STPG2: variants seen among roughly 807,000 people sequenced by gnomAD.
STPG2 encodes the protein sperm tail PG-rich repeat containing 2.
STPG2 carries 56 observed loss-of-function variants against 54.2 expected under a neutral mutation model. That is an observed-to-expected ratio of 1.03 (90% CI 0.83 to 1.29). The LOEUF is 1.29. Among genes scored for constraint, STPG2 ranks in the 50% most tolerant of loss-of-function variants. The pLI is 0.00. For synonymous variants in STPG2, 200 were observed against 181.8 expected, an observed-to-expected ratio of 1.10 and a Z score of -0.81; for missense variants, 596 against 544.9, an observed-to-expected ratio of 1.09 and a Z score of -0.93.
intron 9 of STPG2, among the ~76,000 whole-genome samples, chr4:97,719,745 A>G (rs943091008): frequency 3.9e-5 from 6 of 151,932 alleles, no homozygotes; most frequent in Non-Finnish European, 8.8e-5. Context: ...GAATCAATTT[A>G]TAAGCTACCT....
chr4:97,497,182 G>T (rs996169390), intron 4 of STPG2, among the ~76,000 whole-genome samples: 2 of 151,450 alleles, frequency 1.3e-5, no homozygotes, highest in Non-Finnish European at 3.0e-5. Context: ...ACACAAGCAG[G>T]CAGCATATAC....
intron 5 of STPG2, among the ~76,000 whole-genome samples, chr4:98,083,574 G>A (rs778854619): frequency 3.2e-4 from 49 of 152,082 alleles, no homozygotes; most frequent in African/African-American, 1.0e-3. Context: ...TTATCAATTC[G>A]TTCTTCAAAT....
intron 5 of STPG2, among the ~76,000 whole-genome samples, chr4:98,099,804 T>C (rs1406083923): frequency 2.0e-5 from 3 of 152,282 alleles, no homozygotes; most frequent in African/African-American, 7.2e-5. Context: ...AAACTTTTTT[T>C]AATGTTTTTA....
At chr4:97,711,667 T>C (rs1724124440) in intron 10 of STPG2, among the ~76,000 whole-genome samples, 1 of 149,726 alleles carries the variant, frequency 6.7e-6, no homozygotes, top group South Asian at 2.1e-4. Flanking sequence ...TTTATTTACT[T>C]ACTTTTTTTT....
chr4:97,553,845 G>A (rs572922029), intron 4 of STPG2, among the ~76,000 whole-genome samples: 100 of 152,214 alleles, frequency 6.6e-4, no homozygotes, highest in African/African-American at 2.3e-3. Flanking sequence ...TTTGCAAACC[G>A]AACCTCATGA....
chr4:97,531,305 T>TA (rs1436307877), intron 4 of STPG2, among the ~76,000 whole-genome samples: 2 of 152,048 alleles, frequency 1.3e-5, no homozygotes, highest in Non-Finnish European at 2.9e-5. Context: ...GGAGTTTCCT[T>TA]AAAAAACTAA....
At chr4:97,526,888 G>C (rs889052700) in intron 4 of STPG2, among the ~76,000 whole-genome samples, 1 of 152,050 alleles carries the variant, frequency 6.6e-6, no homozygotes, top group Middle Eastern at 3.4e-3. Context: ...TCAGTTTTCT[G>C]CATATGCCTA....
In STPG2 at chr4:97,485,983, C is replaced by A. The variant is rs561831161; in HGVS notation, c.462+226716G>T. Among the ~76,000 whole-genome samples, 5 of 151,744 alleles carry A rather than the reference C, an allele frequency of 3.3e-5. No homozygotes were observed. In the East Asian group the frequency reaches 9.7e-4, roughly 29 times the overall value. ...AACAAATTGTGTTGGGATAATTGCC[C>A]AGCCATATGTAGGAGAATGAAAATG... On this transcript the variant is annotated intron_variant, in intron 4 of 4. Transcript: ENST00000522676.
At chr4:97,549,512 A>T (rs1344800631) in intron 4 of STPG2, among the ~76,000 whole-genome samples, 1 of 152,138 alleles carries the variant, frequency 6.6e-6, no homozygotes, top group Non-Finnish European at 1.5e-5. Flanking sequence ...TGTAGGGGTG[A>T]TGAGTTGAAC....
At chr4:97,539,074 G>C (rs1316857746) in intron 4 of STPG2, among the ~76,000 whole-genome samples, 3 of 152,162 alleles carry the variant, frequency 2.0e-5, no homozygotes, top group Non-Finnish European at 2.9e-5. Context: ...ACTGGTACCA[G>C]CCACTGCAAA....
At chr4:97,592,710 C>T (rs573520444) in intron 10 of STPG2, among the ~76,000 whole-genome samples, 1 of 152,162 alleles carries the variant, frequency 6.6e-6, no homozygotes, top group Admixed American at 6.5e-5. Flanking sequence ...CACCATGGGG[C>T]TACTGTGCAC....
chr4:97,794,751 AT>A (rs1727112076), intron 9 of STPG2, among the ~76,000 whole-genome samples: 1 of 152,136 alleles, frequency 6.6e-6, no homozygotes, highest in South Asian at 2.1e-4. Flanking sequence ...CAAGTGTTTG[AT>A]TTTTAATTTC....
At chr4:97,884,495 T>G (rs544385339) in intron 8 of STPG2, among the ~76,000 whole-genome samples, 1 of 152,152 alleles carries the variant, frequency 6.6e-6, no homozygotes. Flanking sequence ...AAGATGACCA[T>G]TGAAAGCCAA....
At chr4:97,623,354 G>A (rs1027693258) in intron 10 of STPG2, among the ~76,000 whole-genome samples, 1 of 151,898 alleles carries the variant, frequency 6.6e-6, no homozygotes, top group Admixed American at 6.6e-5. Context: ...GAATATATCT[G>A]CAAACTATGC....
chr4:97,855,416 T>C (rs1729301577), intron 8 of STPG2, among the ~76,000 whole-genome samples: 1 of 152,190 alleles, frequency 6.6e-6, no homozygotes, highest in East Asian at 1.9e-4. Context: ...ACTTCTCTAA[T>C]GATCAGTGAG....
At chr4:97,611,699 G>A (rs1477080702) in intron 10 of STPG2, among the ~76,000 whole-genome samples, 1 of 151,712 alleles carries the variant, frequency 6.6e-6, no homozygotes, top group African/African-American at 2.4e-5. Context: ...CTACAATAAA[G>A]GTGACATGAA....
chr4:97,712,191 A>G (rs1724144987), intron 10 of STPG2, among the ~76,000 whole-genome samples: 1 of 152,142 alleles, frequency 6.6e-6, no homozygotes, highest in Non-Finnish European at 1.5e-5. Context: ...GGCTATTGTG[A>G]ACACAGTTTC....
intron 9 of STPG2, among the ~76,000 whole-genome samples, chr4:97,750,245 C>T (rs543405705): frequency 1.5e-4 from 23 of 151,866 alleles, no homozygotes; most frequent in African/African-American, 5.1e-4. Flanking sequence ...TACTCACCAG[C>T]ATCTAGCTGA....
intron 1 of STPG2, among the ~76,000 whole-genome samples, chr4:98,139,841 A>G (rs1464997429): frequency 6.6e-6 from 1 of 152,214 alleles, no homozygotes; most frequent in Non-Finnish European, 1.5e-5. Context: ...GTTTTAAATT[A>G]CGCTATATGT....
Sources: allele counts gnomAD v4.1 joint callset (sites outside exome capture counted in the v4.1 genomes callset), GRCh38; gene constraint gnomAD v4.1.1; transcripts MANE v1.5; gene names NCBI Gene and HGNC (gene_info 2026-07-23, HGNC 2026-07-21).